Variants in UGT1A8 observed in about 807,000 individuals in gnomAD.
UGT1A8 encodes UDP glucuronosyltransferase family 1 member A8.
Under a neutral mutation model 45.3 loss-of-function variants are expected in UGT1A8, and 39 were observed. The observed-to-expected ratio is 0.86, with a 90% CI of 0.67 to 1.12. The LOEUF (loss-of-function observed/expected upper bound fraction) is 1.12. Among genes scored for constraint, UGT1A8 ranks in the 50% most tolerant of loss-of-function variants. UGT1A8 has a pLI of 0.00. For synonymous variants in UGT1A8, 275 were observed against 249.2 expected (o/e 1.10, Z -0.97); for missense variants, 719 against 664.9 (o/e 1.08, Z -0.90).
At chr2:233,762,454 C>T (rs1698080898) in intron 1 of UGT1A8, among the ~76,000 whole-genome samples, 1 of 152,194 alleles carries the variant, frequency 6.6e-6, no homozygotes, top group African/African-American at 2.4e-5. Context: ...TGCCCACTTA[C>T]CGATAATGTC....
At chr2:233,671,913 T>C (rs368891366) in intron 1 of UGT1A8, 2 of 1,584,646 alleles carry the variant, frequency 1.3e-6, no homozygotes, top group Non-Finnish European at 1.7e-6. Flanking sequence ...CCCAGCTGCT[T>C]GCTCTCAGCT....
Position 233,769,475 on chromosome 2 carries a change from G to C in UGT1A8, c.1295+1036G>C. 1.2e-6 allele frequency: 2 copies of C among 1,611,166 alleles called. No individual in the cohort carries two copies. Among genetic ancestry groups the C allele is most frequent in the Non-Finnish European group, 1.7e-6 (2 of 1,178,526 alleles). On this transcript the variant is annotated intron_variant, in intron 4 of 4. Coordinates refer to ENST00000373450, the MANE Select transcript of UGT1A8 (RefSeq NM_019076.5). The surrounding 1 kb of genome is among the most constrained non-coding windows in gnomAD (Gnocchi z 4.4). ...TGTGCATTCATATGCGTGTGTGTGT[G>C]TGTGCGTGTGTTTATGAGAGTGTCC...
At chr2:233,671,573 C>A (rs1419632221) in intron 1 of UGT1A8, among the ~76,000 whole-genome samples, 4 of 151,660 alleles carry the variant, frequency 2.6e-5, no homozygotes, top group Admixed American at 6.6e-5. Flanking sequence ...GGACAAATTC[C>A]AAAAAAAATT....
intron 1 of UGT1A8, among the ~76,000 whole-genome samples, chr2:233,762,041 G>A (rs938298957): frequency 3.3e-5 from 5 of 152,004 alleles, no homozygotes; most frequent in Non-Finnish European, 7.4e-5. Context: ...TTAATTTTCT[G>A]TGCATTTTCC....
At chr2:233,631,975 GT>G (rs1201789513) in intron 1 of UGT1A8, among the ~76,000 whole-genome samples, 8 of 152,150 alleles carry the variant, frequency 5.3e-5, no homozygotes, top group Middle Eastern at 3.4e-3. Context: ...TAGGTCTTAT[GT>G]TTAAGTCTTT....
At chr2:233,636,617 C>A (rs2073297311) in intron 1 of UGT1A8, 1 of 1,613,946 alleles carries the variant, frequency 6.2e-7, no homozygotes, top group African/African-American at 1.3e-5. Flanking sequence ...CTGGTAGTGC[C>A]CATGGATGGG....
intron 1 of UGT1A8, among the ~76,000 whole-genome samples, chr2:233,652,776 G>A (rs1241807585): frequency 1.3e-5 from 2 of 152,198 alleles, no homozygotes; most frequent in Non-Finnish European, 2.9e-5. Flanking sequence ...ACATGCAAAA[G>A]AATGAAGATG....
chr2:233,742,787 T>A (rs955891060), intron 1 of UGT1A8: 16 of 153,018 alleles, frequency 1.0e-4, no homozygotes, highest in African/African-American at 3.9e-4. Flanking sequence ...TGAACCATCA[T>A]TAAATTAAGC....
chr2:233,680,233 GT>G (rs2074479703), intron 1 of UGT1A8, among the ~76,000 whole-genome samples: 2 of 152,018 alleles, frequency 1.3e-5, no homozygotes, highest in African/African-American at 2.4e-5. Context: ...GGTATTCAAG[GT>G]TTAAAAAATT....
Position 233,694,008 on chromosome 2 carries a change from G to A in UGT1A8, c.856-73026G>A, listed in dbSNP as rs12478255. 6,635 of 1,456,404 alleles carry A rather than the reference G, an allele frequency of 4.6e-3. 175 individuals are homozygous for A. In the Admixed American group the frequency reaches 0.07, roughly 15 times the overall value. The allele number at this position is 1,456,404 out of a possible 1,614,324, so 90.2% of individuals were successfully genotyped here. On this transcript the variant is annotated intron_variant, in intron 1 of 4. Coordinates refer to ENST00000373450, the MANE Select transcript of UGT1A8 (RefSeq NM_019076.5). Reference sequence around the variant, plus strand: ...GAAGTGATACCCGGCTCGGAGCAGCGGGAACACATAGGAGACCTGAGGCTG... The same window carrying A: ...GAAGTGATACCCGGCTCGGAGCAGCAGGAACACATAGGAGACCTGAGGCTG...
chr2:233,728,573 C>T (rs183295666), intron 1 of UGT1A8, among the ~76,000 whole-genome samples: 6 of 152,150 alleles, frequency 3.9e-5, no homozygotes, highest in Non-Finnish European at 7.3e-5. Flanking sequence ...TATCCTGGTG[C>T]GAAAAACGAC....
intron 1 of UGT1A8, among the ~76,000 whole-genome samples, chr2:233,699,432 C>T (rs1270812832): frequency 6.6e-6 from 1 of 152,144 alleles, no homozygotes; most frequent in Admixed American, 6.5e-5. Context: ...TTAGAAGGGT[C>T]ATTGGAGTGT....
chr2:233,771,098 A>C (rs1387885615), intron 4 of UGT1A8: 1 of 152,210 alleles, frequency 6.6e-6, no homozygotes, highest in Non-Finnish European at 1.5e-5. Flanking sequence ...TATCAGGAAG[A>C]CAGCACTAAA....
chr2:233,660,740 G>A (rs146144815), intron 1 of UGT1A8, among the ~76,000 whole-genome samples: 13 of 152,198 alleles, frequency 8.5e-5, no homozygotes, highest in African/African-American at 2.4e-4. Context: ...GTCTTTTGTG[G>A]CATTTTTTTT....
chr2:233,623,819 C>T lies in UGT1A8; in HGVS notation c.855+5257C>T, dbSNP rs146059308. Reference sequence around the variant, plus strand: ...AAATGGGAAAGAATAGTCTCTTCAACAGAAGACCCACCCTGGGGTCCTTAA... The same window carrying T: ...AAATGGGAAAGAATAGTCTCTTCAATAGAAGACCCACCCTGGGGTCCTTAA... On this transcript the variant is annotated intron_variant, in intron 1 of 4. Transcript: ENST00000373450. 6.6e-4 allele frequency among the ~76,000 whole-genome samples: 101 copies of T among 152,232 alleles called. 2 individuals are homozygous for T. The Middle Eastern group carries it at 0.02, about 31-fold the overall frequency.
intron 1 of UGT1A8, among the ~76,000 whole-genome samples, chr2:233,669,571 AT>A (rs1165609246): frequency 6.6e-6 from 1 of 152,102 alleles, no homozygotes; most frequent in Non-Finnish European, 1.5e-5. Context: ...TGCTGTTTTC[AT>A]TCCAATTTTC....
intron 1 of UGT1A8, among the ~76,000 whole-genome samples, chr2:233,625,594 T>C (rs1457897176): frequency 2.0e-5 from 3 of 151,770 alleles, no homozygotes; most frequent in Admixed American, 6.6e-5. Context: ...ATATACACCA[T>C]GGAATATGCA....
At chr2:233,757,560 A>G (rs183308239) in intron 1 of UGT1A8, among the ~76,000 whole-genome samples, 5,655 of 123,138 alleles carry the variant, frequency 0.046, 493 homozygotes, top group Non-Finnish European at 0.065. Flanking sequence ...ATATATATAT[A>G]TGTATATATG....
chr2:233,693,866 G>T (rs781082829), intron 1 of UGT1A8: 5 of 1,614,054 alleles, frequency 3.1e-6, no homozygotes, highest in Non-Finnish European at 4.2e-6. Flanking sequence ...CTTGTCTCAG[G>T]TTGGTGGGTT....
Sources: allele counts gnomAD v4.1 joint callset (sites outside exome capture counted in the v4.1 genomes callset), GRCh38; gene constraint gnomAD v4.1.1; non-coding constraint Gnocchi (gnomAD v3.1); transcripts MANE v1.5; gene names NCBI Gene and HGNC (gene_info 2026-07-23, HGNC 2026-07-21).